Variants in ZNF821 observed in about 807,000 individuals in gnomAD.
ZNF821 encodes the protein zinc finger protein 821.
ZNF821 carries 16 observed loss-of-function variants against 44.3 expected under a neutral mutation model. The observed-to-expected ratio is 0.36, with a 90% confidence interval of 0.24 to 0.55. ZNF821 has a LOEUF of 0.55. Ranked by LOEUF, ZNF821 falls within the 20% of genes least tolerant of loss-of-function variation. The probability of loss-of-function intolerance (pLI) is 0.86; values close to 1 mark genes in which losing one functional copy is unlikely to be tolerated. For synonymous variants in ZNF821, 204 were observed against 197.6 expected (o/e 1.03, Z -0.27); for missense variants, 436 against 547.6 (o/e 0.80, Z 2.03).
intron 1 of ZNF821, 140 bp from the exon 2 acceptor site, chr16:71,883,413 C>G (rs772536749): frequency 8.9e-5 from 31 of 348,188 alleles, no homozygotes; most frequent in Admixed American, 4.6e-4. Flanking sequence ...GGTAAATTCC[C>G]AGGAATTACC....
intron 1 of ZNF821, chr16:71,894,672 C>T: frequency 1.8e-6 from 1 of 568,844 alleles, no homozygotes. Flanking sequence ...ACCACAAGTG[C>T]TCACTGCTGC....
chr16:71,893,028 G>GTTTTTTTTTTT (rs767096247), intron 1 of ZNF821, among the ~76,000 whole-genome samples: 2 of 37,954 alleles, frequency 5.3e-5, no homozygotes, highest in East Asian at 5.6e-3. Flanking sequence ...ACCCTGCCTG[G>GTTTTTTTTTTT]CTTTTTTTTT....
rs187757974 is a variant in ZNF821, at chr16:71,879,216, A to C, written c.40+691T>G. Reference sequence around the variant, plus strand: ...ACCTCACATCTTCTGACTTTTGAACAAATGAGACCTCTGCTTCATATAAAG... The same window carrying C: ...ACCTCACATCTTCTGACTTTTGAACCAATGAGACCTCTGCTTCATATAAAG... On this transcript the variant is annotated intron_variant, in intron 3 of 7. Coordinates refer to ENST00000425432, the MANE Select transcript of ZNF821 (RefSeq NM_001201552.2). Among the ~76,000 whole-genome samples, 79 of 152,352 alleles carry C rather than the reference A, an allele frequency of 5.2e-4. 1 individual carries two copies. The highest frequency in any genetic ancestry group is 1.9e-3 in the African/African-American group (77 of 41,584).
chr16:71,876,623 G>A (rs2035849999), intron 3 of ZNF821, among the ~76,000 whole-genome samples: 1 of 152,012 alleles, frequency 6.6e-6, no homozygotes, highest in East Asian at 1.9e-4. Context: ...TTTGGAGACA[G>A]GATCTCACTC....
intron 3 of ZNF821, among the ~76,000 whole-genome samples, chr16:71,870,908 T>A (rs1438845020): frequency 6.6e-6 from 1 of 152,170 alleles, no homozygotes; most frequent in Non-Finnish European, 1.5e-5. Flanking sequence ...GGGAAGACCT[T>A]TCTCATCAGT....
At chr16:71,886,728 C>T (rs990507562), upstream of ZNF821, among the ~76,000 whole-genome samples, 3 of 152,160 alleles carry the variant, frequency 2.0e-5, no homozygotes, top group African/African-American at 2.4e-5. Flanking sequence ...GGTTTTGGTA[C>T]ATTCACAGGG....
In ZNF821 at chr16:71,860,680, G is replaced by A. The variant is rs770389276; in HGVS notation, c.585-8C>T. On this transcript the variant is annotated splice_region_variant and splice_polypyrimidine_tract_variant and intron_variant, in intron 7 of 7. Coordinates refer to ENST00000425432, the MANE Select transcript of ZNF821 (RefSeq NM_001201552.2). The surrounding 1 kb of genome is among the most constrained non-coding windows in gnomAD (Gnocchi z 7.3). ...ACTTCAGGAAGTTTCTCACTGGAAA[G>A]GAAACATTTTGGATGGTTAGTGTTT... 2 of 1,609,378 alleles carry A rather than the reference G, an allele frequency of 1.2e-6. No homozygotes were observed. The highest frequency in any genetic ancestry group is 1.1e-5 in the South Asian group (1 of 90,916).
At chr16:71,864,322 T>C in intron 5 of ZNF821, 80 bp from the exon 6 acceptor site, 2 of 1,241,584 alleles carry the variant, frequency 1.6e-6, no homozygotes, top group Non-Finnish European at 2.4e-6. Flanking sequence ...CAGGGTATCC[T>C]GTTAAAAGGA....
intron 1 of ZNF821, chr16:71,894,835 A>G: frequency 6.5e-7 from 1 of 1,534,530 alleles, no homozygotes; most frequent in South Asian, 1.2e-5. Flanking sequence ...AGCAGCGATA[A>G]TGGTTTTCAA....
At position 71,864,381 on chromosome 16, in the gene ZNF821, A is replaced by G. The variant is rs1459674691; in HGVS notation, c.313-139T>C. ...TTCTTAGCTTCCCTTTGTGGGCTGA[A>G]GGAAAAAGTAATAGTTGAGAGGGAA... On this transcript the variant is annotated intron_variant, in intron 5 of 7. Coordinates refer to ENST00000425432, the MANE Select transcript of ZNF821 (RefSeq NM_001201552.2). 5.7e-6 allele frequency: 4 copies of G among 699,148 alleles called. No individual in the cohort carries two copies. In the South Asian group the frequency reaches 7.1e-5, roughly 12 times the overall value. The allele number at this position is 699,148 out of a possible 1,614,324, so 43.3% of individuals were successfully genotyped here. A position where few individuals can be genotyped will look rare whatever the true frequency, so the allele number is the denominator to read the frequency against.
intron 4 of ZNF821, among the ~76,000 whole-genome samples, chr16:71,867,076 A>G (rs1447564115): frequency 6.6e-6 from 1 of 152,232 alleles, no homozygotes; most frequent in East Asian, 1.9e-4. Flanking sequence ...TACTGTCGTA[A>G]CCACAGGGAT....
chr16:71,872,586 C>A (rs540019313), intron 3 of ZNF821, among the ~76,000 whole-genome samples: 89 of 152,190 alleles, frequency 5.8e-4, no homozygotes, highest in African/African-American at 2.1e-3. Flanking sequence ...GCACTCCAGC[C>A]TGGGCGACAG....
At chr16:71,884,966 T>C (rs1012413886), upstream of ZNF821, among the ~76,000 whole-genome samples, 2 of 151,216 alleles carry the variant, frequency 1.3e-5, no homozygotes, top group African/African-American at 4.9e-5. Flanking sequence ...CAAGCGATTC[T>C]CGTGCTTCAG....
upstream of ZNF821, among the ~76,000 whole-genome samples, chr16:71,889,139 C>T (rs186235164): frequency 6.6e-6 from 1 of 152,070 alleles, no homozygotes; most frequent in Non-Finnish European, 1.5e-5. Flanking sequence ...GTCCAAGCTA[C>T]TTAGGAGGAT....
At chr16:71,886,621 G>T (rs2142498832), upstream of ZNF821, among the ~76,000 whole-genome samples, 1 of 152,224 alleles carries the variant, frequency 6.6e-6, no homozygotes, top group South Asian at 2.1e-4. Flanking sequence ...CAACAATAAA[G>T]GTAGGAGGAT....
chr16:71,877,965 A>G (rs903346947), intron 3 of ZNF821, among the ~76,000 whole-genome samples: 1 of 147,340 alleles, frequency 6.8e-6, no homozygotes, highest in Middle Eastern at 3.6e-3. Flanking sequence ...ATATATATAA[A>G]TATATATGTA....
Position 71,893,772 on chromosome 16 carries a change from C to CT in ZNF821, n.448+1116dup, listed in dbSNP as rs58034283. ...CCATGCCCAGCCAAAAAAATCTGCA[C>CT]TTTTTTTTTTTTTGGTTGGAGTCTT... On this transcript the variant is annotated intron_variant and non_coding_transcript_variant, in intron 1 of 2. Transcript: ENST00000561700. Among the ~76,000 whole-genome samples the CT allele has an allele frequency of 6.2e-3, 879 of 141,590 alleles. 1 individual carries two copies. Among genetic ancestry groups the CT allele is most frequent in the Middle Eastern group, 0.011 (3 of 274 alleles). 92.9% of individuals were successfully genotyped at this position (141,590 alleles called of 152,430 possible).
intron 1 of ZNF821, among the ~76,000 whole-genome samples, chr16:71,893,693 A>T (rs1052055667): frequency 1.3e-5 from 2 of 148,750 alleles, no homozygotes; most frequent in Non-Finnish European, 3.0e-5. Context: ...TTCTTACCTC[A>T]GGTGATCCAC....
chr16:71,887,706 C>T (rs1354091735), upstream of ZNF821, among the ~76,000 whole-genome samples: 1 of 152,134 alleles, frequency 6.6e-6, no homozygotes, highest in Non-Finnish European at 1.5e-5. Flanking sequence ...CATTAATGGC[C>T]ACCCTAGTGG....
Sources: gnomAD v4.1 joint callset for allele counts (sites outside exome capture counted in the v4.1 genomes callset) on GRCh38, gnomAD v4.1.1 for gene constraint, Gnocchi (gnomAD v3.1) non-coding constraint, MANE v1.5 for transcripts, NCBI Gene and HGNC (gene_info 2026-07-23, HGNC 2026-07-21) for gene names.